The following IL1RAPL1 variants were observed in gnomAD, a reference collection of about 807,000 sequenced individuals.
IL1RAPL1 encodes the protein interleukin-1 receptor accessory protein-like 1.
IL1RAPL1 carries 3 observed loss-of-function variants against 48.4 expected under a neutral mutation model. The ratio of observed to expected loss-of-function variants is 0.06; its 90% CI spans 0.03 to 0.16. IL1RAPL1 has a LOEUF of 0.16. Among genes scored for constraint, IL1RAPL1 ranks in the 10% least tolerant of loss-of-function variants. IL1RAPL1 has a pLI of 1.00. For synonymous variants in IL1RAPL1, 185 were observed against 187.7 expected, an observed-to-expected ratio of 0.99 and a Z score of 0.12; for missense variants, 349 against 530.6, an observed-to-expected ratio of 0.66 and a Z score of 3.36.
At chrX:29,174,608 T>C (rs1929971358) in intron 2 of IL1RAPL1, among the ~76,000 whole-genome samples, 1 of 111,548 alleles carries the variant, frequency 9.0e-6, no homozygotes, top group Non-Finnish European at 1.9e-5. Context: ...AATTCAGAAG[T>C]AGATTTATAG....
At chrX:29,875,737 C>T (rs143734243) in intron 6 of IL1RAPL1, among the ~76,000 whole-genome samples, 3,113 of 111,472 alleles carry the variant, frequency 0.028, 122 homozygotes, top group African/African-American at 0.096. Flanking sequence ...ATGTATTATC[C>T]CGGGAAAAAG....
intron 6 of IL1RAPL1, among the ~76,000 whole-genome samples, chrX:29,767,058 G>C (rs996441847): frequency 9.0e-6 from 1 of 110,692 alleles, no homozygotes; most frequent in East Asian, 2.8e-4. Flanking sequence ...AATACATTCC[G>C]ATGACATGTC....
At chrX:29,683,561 A>G (rs1160695505) in intron 6 of IL1RAPL1, among the ~76,000 whole-genome samples, 1 of 112,421 alleles carries the variant, frequency 8.9e-6, no homozygotes, top group Non-Finnish European at 1.9e-5. Context: ...CATTTTACAG[A>G]TAATGATCAA....
chrX:28,602,128 G>T (rs1471999597), intron 1 of IL1RAPL1, among the ~76,000 whole-genome samples: 1 of 107,666 alleles, frequency 9.3e-6, no homozygotes, highest in East Asian at 2.9e-4. Context: ...AAAAAGAAAG[G>T]TTCATGGTAT....
At chrX:28,704,055 T>C (rs1310311004) in intron 1 of IL1RAPL1, among the ~76,000 whole-genome samples, 2 of 111,794 alleles carry the variant, frequency 1.8e-5, no homozygotes, top group East Asian at 2.8e-4. Context: ...ATTATTATGA[T>C]CAATTCTTTG....
intron 2 of IL1RAPL1, among the ~76,000 whole-genome samples, chrX:28,961,671 A>G (rs1924782174): frequency 9.0e-6 from 1 of 111,677 alleles, no homozygotes; most frequent in Non-Finnish European, 1.9e-5. Context: ...CCTGCAAAGG[A>G]CATGAACTCA....
intron 5 of IL1RAPL1, among the ~76,000 whole-genome samples, chrX:29,654,777 T>C (rs1425589968): frequency 8.9e-6 from 1 of 112,051 alleles, no homozygotes; most frequent in Admixed American, 9.4e-5. Context: ...AGAAATGCAT[T>C]GTAGTAGTAC....
chrX:29,641,320 G>T lies in IL1RAPL1; in HGVS notation c.704-27110G>T, dbSNP rs140261831. Among the ~76,000 whole-genome samples the T allele has an allele frequency of 6.4e-3, 724 of 112,928 alleles. 4 individuals carry two copies. Among genetic ancestry groups the T allele is most frequent in the Non-Finnish European group, 0.012 (629 of 53,348 alleles). Reference sequence around the variant, plus strand: ...TTATCCTTCTGTTATTTCCTTAGCCGATTTCCTTAACTCATTCACCTGCGT... The same window carrying T: ...TTATCCTTCTGTTATTTCCTTAGCCTATTTCCTTAACTCATTCACCTGCGT... On this transcript the variant is annotated intron_variant, in intron 5 of 10. Coordinates refer to ENST00000378993, the MANE Select transcript of IL1RAPL1 (RefSeq NM_014271.4).
chrX:29,664,403 C>CAAAAA (rs569100581), intron 5 of IL1RAPL1, among the ~76,000 whole-genome samples: 4 of 40,729 alleles, frequency 9.8e-5, no homozygotes, highest in Non-Finnish European at 1.5e-4. Flanking sequence ...GACTCCGTCT[C>CAAAAA]AAAAAAAAAA....
intron 6 of IL1RAPL1, among the ~76,000 whole-genome samples, chrX:29,886,557 G>C (rs1029283777): frequency 7.1e-5 from 8 of 112,329 alleles, no homozygotes; most frequent in African/African-American, 1.9e-4. Context: ...TTTCATATTA[G>C]ATCATTGAAA....
At position 29,556,123 on chromosome X, in the gene IL1RAPL1, A is replaced by C. The variant is rs192883945; in HGVS notation, c.704-112307A>C. On this transcript the variant is annotated intron_variant, in intron 5 of 10. Transcript: ENST00000378993. ...TGTAATATGGGGAGGACTGGAAGGC[A>C]CAGCTTAGAGCCCCATGGTGTCCAG... Among the ~76,000 whole-genome samples the C allele has an allele frequency of 6.3e-3, 709 of 111,804 alleles. 10 individuals are homozygous for C. Among genetic ancestry groups the C allele is most frequent in the African/African-American group, 0.022 (678 of 30,724 alleles).
intron 9 of IL1RAPL1, among the ~76,000 whole-genome samples, chrX:29,954,126 C>T (rs1282419555): frequency 9.4e-6 from 1 of 105,851 alleles, no homozygotes; most frequent in African/African-American, 3.5e-5. Flanking sequence ...ATCCCAGCTA[C>T]TCGGGAGGTT....
chrX:29,418,987 G>A (rs5973777), intron 5 of IL1RAPL1, among the ~76,000 whole-genome samples: 40,729 of 110,762 alleles, frequency 0.37, 6,272 homozygotes, highest in Middle Eastern at 0.54. Context: ...TTATACTTTC[G>A]CAAGCTATTT....
chrX:29,637,098 T>C (rs1006268268), intron 5 of IL1RAPL1, among the ~76,000 whole-genome samples: 1 of 107,657 alleles, frequency 9.3e-6, no homozygotes, highest in African/African-American at 3.4e-5. Context: ...AAAAGGAAAC[T>C]CAATAGATAA....
At chrX:29,110,333 C>T (rs902769484) in intron 2 of IL1RAPL1, among the ~76,000 whole-genome samples, 7 of 111,781 alleles carry the variant, frequency 6.3e-5, no homozygotes, top group Non-Finnish European at 1.3e-4. Context: ...TATCTCCTCC[C>T]GTTTCCTTCT....
rs1923535609 is a variant in IL1RAPL1, at chrX:29,595,980, G to A, written c.704-72450G>A. On this transcript the variant is annotated intron_variant, in intron 5 of 10. Transcript: ENST00000378993. ...CTTGCCAATTATCCCAGCACCATTT[G>A]TTAAATAGGGTGTCCTTTCCCCAGT... 2.7e-5 allele frequency among the ~76,000 whole-genome samples: 3 copies of A among 111,448 alleles called. No individual in the cohort carries two copies. The South Asian group carries it at 1.1e-3, about 41-fold the overall frequency.
chrX:29,223,208 T>C (rs1931015621), intron 2 of IL1RAPL1, among the ~76,000 whole-genome samples: 1 of 111,969 alleles, frequency 8.9e-6, no homozygotes, highest in Admixed American at 9.5e-5. Context: ...TTAAAAGACT[T>C]ACAAGGTTTT....
At chrX:28,911,330 T>C (rs1923354139) in intron 2 of IL1RAPL1, among the ~76,000 whole-genome samples, 2 of 111,412 alleles carry the variant, frequency 1.8e-5, no homozygotes, top group Admixed American at 1.9e-4. Context: ...CGGTTAATGT[T>C]CAAAGTGAAA....
At chrX:29,448,811 G>A (rs1281801408) in intron 5 of IL1RAPL1, among the ~76,000 whole-genome samples, 1 of 111,765 alleles carries the variant, frequency 8.9e-6, no homozygotes, top group African/African-American at 3.3e-5. Context: ...AAGCTGGAAA[G>A]TCCAAGATCA....
Sources: allele counts gnomAD v4.1 joint callset (sites outside exome capture counted in the v4.1 genomes callset), GRCh38; gene constraint gnomAD v4.1.1; transcripts MANE v1.5; gene names NCBI Gene and HGNC (gene_info 2026-07-23, HGNC 2026-07-21).